CDIN1: variants seen among roughly 807,000 people sequenced by gnomAD.
The protein encoded by CDIN1 is CDAN1-interacting nuclease 1.
Under a neutral mutation model 45.3 loss-of-function variants are expected in CDIN1, and 33 were observed. That is an observed-to-expected ratio of 0.73 (90% CI 0.55 to 0.97). CDIN1 has a LOEUF of 0.97. Ranked by LOEUF, CDIN1 falls within the 50% of genes least tolerant of loss-of-function variation. The pLI is 0.00. For synonymous variants in CDIN1, 118 were observed against 124.4 expected (o/e 0.95, Z 0.34); for missense variants, 303 against 339.4 (o/e 0.89, Z 0.84).
chr15:36,618,416 C>T (rs2038996949), intron 1 of CDIN1: 1 of 764,454 alleles, frequency 1.3e-6, no homozygotes, highest in Admixed American at 1.8e-5. Flanking sequence ...ATGGTAGGGG[C>T]AGGAGAACTC....
At chr15:36,766,192 A>T (rs1042673717) in intron 10 of CDIN1, among the ~76,000 whole-genome samples, 3 of 152,212 alleles carry the variant, frequency 2.0e-5, no homozygotes, top group Non-Finnish European at 4.4e-5. Flanking sequence ...TTCATTTGGC[A>T]TAATGTTCTC....
At chr15:36,590,458 C>T (rs1376059002) in intron 1 of CDIN1, among the ~76,000 whole-genome samples, 1 of 152,144 alleles carries the variant, frequency 6.6e-6, no homozygotes, top group African/African-American at 2.4e-5. Flanking sequence ...CTTAATATAG[C>T]TGTTCAATGA....
intron 10 of CDIN1, among the ~76,000 whole-genome samples, chr15:36,712,547 A>T (rs28468578): frequency 0.17 from 25,431 of 152,062 alleles, 2,630 homozygotes; most frequent in Middle Eastern, 0.25. Flanking sequence ...CACAGGCGTG[A>T]GCCACTGCAC....
chr15:36,635,194 G>A (rs2039846153), intron 1 of CDIN1, among the ~76,000 whole-genome samples: 1 of 152,114 alleles, frequency 6.6e-6, no homozygotes, highest in Non-Finnish European at 1.5e-5. Context: ...TTATCTGATT[G>A]GCACCAAAAA....
intron 10 of CDIN1, among the ~76,000 whole-genome samples, chr15:36,727,533 T>C (rs1186596511): frequency 6.6e-6 from 1 of 152,174 alleles, no homozygotes; most frequent in Non-Finnish European, 1.5e-5. Context: ...AGAGAATCAG[T>C]GGACTTTCTC....
At chr15:36,738,976 C>T (rs1229010052) in intron 10 of CDIN1, among the ~76,000 whole-genome samples, 2 of 152,202 alleles carry the variant, frequency 1.3e-5, no homozygotes, top group East Asian at 1.9e-4. Context: ...ATGTTAATAG[C>T]ACAAACTGCT....
chr15:36,614,265 G>A lies in CDIN1; in HGVS notation c.102-30013G>A, dbSNP rs774045330. On this transcript the variant is annotated intron_variant, in intron 1 of 10. Transcript: ENST00000566621. ...CCCTGACTCCACCTAAGGCCAGCCT[G>A]CCCGAAGCTGACCTTTAACTGAGGG... 1.2e-5 allele frequency: 7 copies of A among 600,022 alleles called. No homozygotes were observed. In the Admixed American group the frequency reaches 1.3e-4, roughly 11 times the overall value. 37.2% of individuals were successfully genotyped at this position (600,022 alleles called of 1,614,324 possible).
intron 10 of CDIN1, among the ~76,000 whole-genome samples, chr15:36,765,787 A>G (rs28693014): frequency 0.088 from 13,382 of 152,262 alleles, 791 homozygotes; most frequent in Middle Eastern, 0.13. Flanking sequence ...GAGTTTGGAC[A>G]TAAGCATCTA....
intron 1 of CDIN1, among the ~76,000 whole-genome samples, chr15:36,587,760 CTT>C (rs1448400514): frequency 6.6e-6 from 1 of 152,106 alleles, no homozygotes; most frequent in Non-Finnish European, 1.5e-5. Context: ...AGCTCTATCT[CTT>C]TTTATCTGAG....
intron 8 of CDIN1, among the ~76,000 whole-genome samples, chr15:36,698,839 T>G (rs543664115): frequency 6.6e-6 from 1 of 152,302 alleles, no homozygotes; most frequent in Admixed American, 6.5e-5. Context: ...TCTTGAGAAC[T>G]AGCCAATCCC....
chr15:36,620,342 C>G (rs1321148903), intron 1 of CDIN1, among the ~76,000 whole-genome samples: 1 of 151,918 alleles, frequency 6.6e-6, no homozygotes, highest in Non-Finnish European at 1.5e-5. Flanking sequence ...CAAAGCGAAA[C>G]TCTGTCTCAA....
At chr15:36,603,344 T>C (rs2038205130) in intron 1 of CDIN1, among the ~76,000 whole-genome samples, 1 of 152,212 alleles carries the variant, frequency 6.6e-6, no homozygotes, top group Non-Finnish European at 1.5e-5. Context: ...AGTAAAGGGT[T>C]AGATAATCTA....
chr15:36,701,118 G>GTAGATAGATAGA (rs766019218), intron 8 of CDIN1, among the ~76,000 whole-genome samples: 1 of 107,026 alleles, frequency 9.3e-6, no homozygotes, highest in African/African-American at 3.3e-5. Context: ...AGATAGATAG[G>GTAGATAGATAGA]TAGGTAGATA....
chr15:36,775,450 A>G (rs1350313646), intron 10 of CDIN1, among the ~76,000 whole-genome samples: 1 of 152,200 alleles, frequency 6.6e-6, no homozygotes, highest in Non-Finnish European at 1.5e-5. Context: ...AGAGGCCTAG[A>G]GTCTACATCT....
intron 5 of CDIN1, among the ~76,000 whole-genome samples, chr15:36,685,383 A>G (rs1279676861): frequency 1.3e-5 from 2 of 151,160 alleles, no homozygotes; most frequent in Non-Finnish European, 3.0e-5. Context: ...CATGTAGTTG[A>G]GCGGTTTTGA....
chr15:36,710,037 G>T, intron 10 of CDIN1, 76 bp downstream of exon 10: 1 of 1,150,142 alleles, frequency 8.7e-7, no homozygotes, highest in Admixed American at 2.2e-5. Flanking sequence ...ATTTTGTTTA[G>T]CTGGTAAAAA....
chr15:36,674,826 G>T (rs564435603), intron 5 of CDIN1, among the ~76,000 whole-genome samples: 1 of 151,970 alleles, frequency 6.6e-6, no homozygotes, highest in African/African-American at 2.4e-5. Context: ...GTCATGAGGC[G>T]TCCTAACTCA....
chr15:36,646,610 T>C (rs1382186926), intron 3 of CDIN1, among the ~76,000 whole-genome samples: 1 of 152,226 alleles, frequency 6.6e-6, no homozygotes, highest in Non-Finnish European at 1.5e-5. Context: ...CTGTGAAGCC[T>C]GCAACCGTGT....
Position 36,797,783 on chromosome 15 carries a change from G to A in CDIN1, c.717-10541G>A, listed in dbSNP as rs148947502. Among the ~76,000 whole-genome samples, 13 of 151,960 alleles carry A rather than the reference G, an allele frequency of 8.6e-5. No individual in the cohort carries two copies. The East Asian group carries it at 9.7e-4, about 11-fold the overall frequency. On this transcript the variant is annotated intron_variant, in intron 10 of 10. Transcript: ENST00000566621. ...TCACCTGAGGTGAGGCGTTCAAGACGAGCCTTGCCAACATGGTGAAACCCC... is the reference window on the plus strand; with the variant it reads ...TCACCTGAGGTGAGGCGTTCAAGACAAGCCTTGCCAACATGGTGAAACCCC...
Sources: gnomAD v4.1 joint callset for allele counts (sites outside exome capture counted in the v4.1 genomes callset) on GRCh38, gnomAD v4.1.1 for gene constraint, MANE v1.5 for transcripts, NCBI Gene and HGNC (gene_info 2026-07-23, HGNC 2026-07-21) for gene names.